SLC17A5: variants seen among roughly 807,000 people sequenced by gnomAD.
The protein encoded by SLC17A5 is solute carrier family 17 member 5, also known as sialin.
A neutral mutation model predicts 59.4 loss-of-function variants in SLC17A5; 47 were observed. The observed-to-expected ratio is 0.79, with a 90% confidence interval of 0.63 to 1.01. SLC17A5 has a LOEUF of 1.01. Ranked by LOEUF, SLC17A5 falls within the 50% of genes least tolerant of loss-of-function variation. SLC17A5 has a pLI of 0.00. For missense variants in SLC17A5, 522 were observed against 595.5 expected, an observed-to-expected ratio of 0.88 and a Z score of 1.28; for synonymous variants, 202 against 210.7, an observed-to-expected ratio of 0.96 and a Z score of 0.36.
At chr6:73,613,411 G>A (rs897021672) in intron 8 of SLC17A5, among the ~76,000 whole-genome samples, 1 of 152,006 alleles carries the variant, frequency 6.6e-6, no homozygotes, top group Non-Finnish European at 1.5e-5. Flanking sequence ...TGTTGCCCAG[G>A]CTGGAGTGCA....
chr6:73,647,042 A>C (rs547979478), intron 1 of SLC17A5, among the ~76,000 whole-genome samples: 16 of 152,308 alleles, frequency 1.1e-4, no homozygotes, highest in African/African-American at 3.6e-4. Flanking sequence ...TGGGGGACTC[A>C]AAAATCTAGC....
At chr6:73,620,876 C>A (rs1347494061) in intron 7 of SLC17A5, among the ~76,000 whole-genome samples, 1 of 152,016 alleles carries the variant, frequency 6.6e-6, no homozygotes, top group Non-Finnish European at 1.5e-5. Flanking sequence ...TGTAGGCCAC[C>A]ATGCCCGGTT....
rs34409077 is a variant in SLC17A5, at chr6:73,635,742, CT to C, written c.701-243del. 0.018 allele frequency among the ~76,000 whole-genome samples: 2,603 copies of C among 142,240 alleles called. 71 individuals are homozygous for C. The highest frequency in any genetic ancestry group is 0.056 in the African/African-American group (2,173 of 38,900). The allele number at this position is 142,240 out of a possible 152,430, so 93.3% of individuals were successfully genotyped here. ...TGCTTATACATTTTGAAGAAAACAA[CT>C]TTTTTTTTTTTTTTTGAGATAGAGT... On this transcript the variant is annotated intron_variant, in intron 5 of 10. Coordinates refer to ENST00000355773, the MANE Select transcript of SLC17A5 (RefSeq NM_012434.5).
intron 2 of SLC17A5, among the ~76,000 whole-genome samples, chr6:73,644,172 A>G (rs185071128): frequency 4.3e-4 from 65 of 152,354 alleles, no homozygotes; most frequent in Non-Finnish European, 7.8e-4. Context: ...GTATGTTTAT[A>G]GAGGGAATGG....
chr6:73,601,997 G>A (rs1006452449), intron 9 of SLC17A5, among the ~76,000 whole-genome samples: 1 of 151,840 alleles, frequency 6.6e-6, no homozygotes, highest in African/African-American at 2.4e-5. Flanking sequence ...GGAATAGAAA[G>A]GGGGGAAAGG....
intron 1 of SLC17A5, among the ~76,000 whole-genome samples, chr6:73,648,996 T>C (rs1006333475): frequency 4.7e-5 from 7 of 149,388 alleles, no homozygotes; most frequent in Non-Finnish European, 2.9e-5. Flanking sequence ...TAAAATAATA[T>C]ATAATTTTTT....
At chr6:73,616,754 G>A (rs1056618894) in intron 7 of SLC17A5, among the ~76,000 whole-genome samples, 2 of 151,946 alleles carry the variant, frequency 1.3e-5, no homozygotes, top group Admixed American at 6.6e-5. Context: ...GATTGCAGGC[G>A]TGTGTCACCA....
intron 8 of SLC17A5, among the ~76,000 whole-genome samples, chr6:73,614,073 C>T (rs1184851985): frequency 6.6e-6 from 1 of 152,194 alleles, no homozygotes; most frequent in African/African-American, 2.4e-5. Context: ...AAAGACCAGC[C>T]TGGACAACGT....
At chr6:73,653,195 G>A in intron 1 of SLC17A5, 9 of 985,384 alleles carry the variant, frequency 9.1e-6, no homozygotes, top group Non-Finnish European at 1.1e-5. Flanking sequence ...TTATACAATA[G>A]TTGCCCTCTG....
intron 1 of SLC17A5, among the ~76,000 whole-genome samples, 179 bp from the exon 2 acceptor site, chr6:73,644,782 A>G (rs942745264): frequency 1.9e-4 from 29 of 152,204 alleles, no homozygotes; most frequent in African/African-American, 6.5e-4. Context: ...GCTTTAATTA[A>G]AAAAGTTAAT....
intron 10 of SLC17A5, among the ~76,000 whole-genome samples, chr6:73,599,977 G>A (rs1203406073): frequency 6.6e-6 from 1 of 152,088 alleles, no homozygotes; most frequent in Non-Finnish European, 1.5e-5. Flanking sequence ...TGTATTTTTA[G>A]TAGAGACGGG....
chr6:73,600,504 CCTTCT>C (rs1767007667), intron 9 of SLC17A5, 63 bp from the exon 10 acceptor site: 5 of 1,167,500 alleles, frequency 4.3e-6, no homozygotes, highest in Admixed American at 2.4e-5. Flanking sequence ...TTCATTCTTT[CCTTCT>C]TTTTTTTTTT....
At position 73,640,826 on chromosome 6, in the gene SLC17A5, G is replaced by A. The variant is rs183282834; in HGVS notation, c.525+865C>T. 2.7e-3 allele frequency among the ~76,000 whole-genome samples: 411 copies of A among 151,430 alleles called. 3 individuals carry two copies. Among genetic ancestry groups the A allele is most frequent in the African/African-American group, 9.5e-3 (393 of 41,254 alleles). On this transcript the variant is annotated intron_variant, in intron 3 of 10. Coordinates refer to ENST00000355773, the MANE Select transcript of SLC17A5 (RefSeq NM_012434.5). ...AAATGATAAAACTATTAAGAGGAGGGAAATAAAAGAGGCAAAAATCAATAA... is the reference window on the plus strand; with the variant it reads ...AAATGATAAAACTATTAAGAGGAGGAAAATAAAAGAGGCAAAAATCAATAA...
chr6:73,615,880 CTTTTTT>C (rs71674685), intron 7 of SLC17A5, among the ~76,000 whole-genome samples: 4 of 97,600 alleles, frequency 4.1e-5, no homozygotes, highest in East Asian at 6.3e-4. Flanking sequence ...ATGAATCATT[CTTTTTT>C]TTTTTTTTTT....
chr6:73,601,383 CCGG>C (rs1767078317), intron 9 of SLC17A5, among the ~76,000 whole-genome samples: 1 of 143,174 alleles, frequency 7.0e-6, no homozygotes, highest in East Asian at 2.1e-4. Flanking sequence ...GCGTCTCCGC[CCGG>C]CAGCCGCCCC....
intron 3 of SLC17A5, among the ~76,000 whole-genome samples, chr6:73,640,370 G>C (rs748438954): frequency 3.9e-5 from 6 of 152,134 alleles, no homozygotes; most frequent in Non-Finnish European, 8.8e-5. Flanking sequence ...ATAGTACCTG[G>C]CAATTTCCAA....
At chr6:73,645,789 C>CAAAAAA (rs58205870) in intron 1 of SLC17A5, among the ~76,000 whole-genome samples, 3 of 76,078 alleles carry the variant, frequency 3.9e-5, no homozygotes, top group Non-Finnish European at 7.9e-5. Context: ...GACTCCGTCT[C>CAAAAAA]AAAAAAAAAA....
chr6:73,617,698 G>T (rs1581968091), intron 7 of SLC17A5, among the ~76,000 whole-genome samples: 1 of 152,208 alleles, frequency 6.6e-6, no homozygotes, highest in East Asian at 1.9e-4. Context: ...ACAAAAATTA[G>T]GTGTGGCGGT....
At chr6:73,644,700 G>C in intron 1 of SLC17A5, 97 bp from the exon 2 acceptor site, 3 of 1,182,898 alleles carry the variant, frequency 2.5e-6, no homozygotes, top group Non-Finnish European at 3.6e-6. Context: ...TTGAACTCCT[G>C]GGCTCAAGCC....
Sources: gnomAD v4.1 joint callset for allele counts (sites outside exome capture counted in the v4.1 genomes callset) on GRCh38, gnomAD v4.1.1 for gene constraint, MANE v1.5 for transcripts, NCBI Gene and HGNC (gene_info 2026-07-23, HGNC 2026-07-21) for gene names.